Variants in ALG9 observed in about 807,000 individuals in gnomAD.
The protein encoded by ALG9 is ALG9 alpha-1,2-mannosyltransferase.
Under a neutral mutation model 81.8 loss-of-function variants are expected in ALG9, and 55 were observed. The ratio of observed to expected loss-of-function variants is 0.67; its 90% CI spans 0.54 to 0.84. ALG9 has a LOEUF of 0.84. Among genes scored for constraint, ALG9 ranks in the 40% least tolerant of loss-of-function variants. The pLI is 0.00. For missense variants in ALG9, 629 were observed against 745.0 expected, an observed-to-expected ratio of 0.84 and a Z score of 1.81; for synonymous variants, 278 against 274.3, an observed-to-expected ratio of 1.01 and a Z score of -0.13.
intron 8 of ALG9, 130 bp from the exon 9 acceptor site, chr11:111,844,853 C>G: frequency 1.1e-6 from 1 of 943,924 alleles, no homozygotes; most frequent in Non-Finnish European, 1.7e-6. Context: ...GAGTGCACAG[C>G]CCACTCTTCC....
chr11:111,854,046 C>A (rs1555141449), intron 6 of ALG9, among the ~76,000 whole-genome samples: 1 of 151,852 alleles, frequency 6.6e-6, no homozygotes, highest in Non-Finnish European at 1.5e-5. Flanking sequence ...AAGTACTAAC[C>A]TCACCCTTCC....
intron 14 of ALG9, among the ~76,000 whole-genome samples, chr11:111,799,788 T>C (rs1948838327): frequency 6.6e-6 from 1 of 152,192 alleles, no homozygotes; most frequent in African/African-American, 2.4e-5. Context: ...ACATTATAGA[T>C]TACCTTACAT....
chr11:111,790,005 G>T (rs1433424235), intron 14 of ALG9, among the ~76,000 whole-genome samples: 1 of 151,782 alleles, frequency 6.6e-6, no homozygotes, highest in Non-Finnish European at 1.5e-5. Context: ...ATCACTAGGT[G>T]TGAATAAAAG....
intron 13 of ALG9, among the ~76,000 whole-genome samples, chr11:111,831,656 TAGGGCTA>T (rs1954398960): frequency 6.6e-6 from 1 of 152,206 alleles, no homozygotes; most frequent in Non-Finnish European, 1.5e-5. Context: ...CCTTTTATCC[TAGGGCTA>T]ATCTTTATCA....
intron 6 of ALG9, among the ~76,000 whole-genome samples, chr11:111,855,855 T>C (rs1026975195): frequency 1.3e-5 from 2 of 152,040 alleles, no homozygotes; most frequent in African/African-American, 4.8e-5. Flanking sequence ...AAGAAAGGAA[T>C]GGAGATGAGG....
intron 13 of ALG9, among the ~76,000 whole-genome samples, chr11:111,810,536 G>A (rs375851942): frequency 7.9e-5 from 12 of 152,120 alleles, no homozygotes; most frequent in African/African-American, 2.2e-4. Context: ...TGTACAGATC[G>A]TTTGAACCCA....
intron 14 of ALG9, among the ~76,000 whole-genome samples, chr11:111,800,495 A>C (rs1038267902): frequency 2.0e-5 from 3 of 151,908 alleles, no homozygotes; most frequent in South Asian, 4.2e-4. Flanking sequence ...AATAAAAAAT[A>C]AAATAAAATA....
At chr11:111,844,569 CCAAAA>C (rs782388906) in intron 9 of ALG9, 27 bp downstream of exon 9, 23 of 1,613,314 alleles carry the variant, frequency 1.4e-5, no homozygotes, top group African/African-American at 2.7e-5. Flanking sequence ...CTCTTTCCTC[CCAAAA>C]CACCTACCAT....
At chr11:111,835,003 A>G (rs1555116204) in intron 13 of ALG9, among the ~76,000 whole-genome samples, 1 of 152,214 alleles carries the variant, frequency 6.6e-6, no homozygotes, top group Admixed American at 6.5e-5. Flanking sequence ...CTCATACAAT[A>G]AGAATCTCAC....
chr11:111,784,047 T>C lies in ALG9; in HGVS notation c.*2350A>G, dbSNP rs995771903. 4.6e-5 allele frequency: 7 copies of C among 152,252 alleles called. No homozygotes were observed. Among genetic ancestry groups the C allele is most frequent in the South Asian group, 2.1e-4 (1 of 4,826 alleles). 9.4% of individuals were successfully genotyped at this position (152,252 alleles called of 1,614,324 possible). A position where few individuals can be genotyped will look rare whatever the true frequency, so the allele number is the denominator to read the frequency against. The stretch of plus-strand genomic sequence containing the variant: ...GATTCTTATTTACCTCTGGGAAACA[T>C]AGAGGGCCTTAGCTACTGTGAAGAA... On this transcript the variant is annotated 3_prime_UTR_variant, in exon 15 of 15. Coordinates refer to ENST00000616540, the MANE Select transcript of ALG9 (RefSeq NM_024740.2).
intron 3 of ALG9, 109 bp downstream of exon 3, chr11:111,868,493 A>C: frequency 7.3e-7 from 1 of 1,374,774 alleles, no homozygotes; most frequent in Admixed American, 2.3e-5. Context: ...ATTCTTCTTC[A>C]AAAAAAGTTC....
At chr11:111,825,272 T>C (rs999759638) in intron 13 of ALG9, among the ~76,000 whole-genome samples, 21 of 152,240 alleles carry the variant, frequency 1.4e-4, no homozygotes, top group African/African-American at 5.1e-4. Context: ...CTGCTGTGTA[T>C]AATCCCTATG....
intron 13 of ALG9, among the ~76,000 whole-genome samples, chr11:111,822,155 C>T (rs1324170627): frequency 6.6e-6 from 1 of 152,072 alleles, no homozygotes; most frequent in Non-Finnish European, 1.5e-5. Flanking sequence ...ACCTGTAAAC[C>T]TAGCACTTTG....
rs956121526 is a variant in ALG9 at position 111,783,758 on chromosome 11, T to C, written c.*2639A>G. 6.6e-6 allele frequency: 1 copy of C among 152,142 alleles called. No individual in the cohort carries two copies. The highest frequency in any genetic ancestry group is 1.5e-5 in the Non-Finnish European group (1 of 68,014). 9.4% of individuals were successfully genotyped at this position (152,142 alleles called of 1,614,324 possible). A position where few individuals can be genotyped will look rare whatever the true frequency, so the allele number is the denominator to read the frequency against. ...ATTTCTATATTCCTTACCTATAACA[T>C]TTGGCACAGCGTTCTGCCATGTATT... is the stretch of plus-strand genomic sequence containing the variant. On this transcript the variant is annotated 3_prime_UTR_variant, in exon 15 of 15. Coordinates refer to ENST00000616540, the MANE Select transcript of ALG9 (RefSeq NM_024740.2).
chr11:111,837,632 T>C lies in ALG9; in HGVS notation c.1325-17A>G. 6.2e-7 allele frequency: 1 copy of C among 1,613,512 alleles called. No homozygotes were observed. The highest frequency in any genetic ancestry group is 2.2e-5 in the East Asian group (1 of 44,878). ...CGTGATATCCTGGAAGGGAGAACAGTTAGTGAGAGCCAGAGATGAGTAAGA... is the reference window on the plus strand; with the variant it reads ...CGTGATATCCTGGAAGGGAGAACAGCTAGTGAGAGCCAGAGATGAGTAAGA... On this transcript the variant is annotated splice_polypyrimidine_tract_variant and intron_variant, in intron 11 of 14. Transcript: ENST00000616540.
intron 14 of ALG9, among the ~76,000 whole-genome samples, chr11:111,794,856 C>G (rs577678079): frequency 1.3e-5 from 2 of 152,336 alleles, no homozygotes; most frequent in Non-Finnish European, 2.9e-5. Flanking sequence ...GCTTTTGCAG[C>G]TATCTTCAGT....
At chr11:111,860,850 T>C (rs1555147283) in intron 4 of ALG9, among the ~76,000 whole-genome samples, 1 of 152,212 alleles carries the variant, frequency 6.6e-6, no homozygotes, top group Non-Finnish European at 1.5e-5. Context: ...GAAAATGTAT[T>C]CTTTACATGC....
intron 3 of ALG9, among the ~76,000 whole-genome samples, chr11:111,866,264 T>C (rs1219960263): frequency 6.6e-6 from 1 of 152,144 alleles, no homozygotes; most frequent in Non-Finnish European, 1.5e-5. Context: ...GCCACTGCAC[T>C]CCAGCCTGGC....
intron 14 of ALG9, chr11:111,805,093 C>A (rs1034388428): frequency 2.5e-5 from 9 of 353,232 alleles, no homozygotes; most frequent in Non-Finnish European, 3.9e-5. Context: ...TAAACACTCA[C>A]CTATGTGATG....
Sources: gnomAD v4.1 joint callset for allele counts (sites outside exome capture counted in the v4.1 genomes callset) on GRCh38, gnomAD v4.1.1 for gene constraint, MANE v1.5 for transcripts, NCBI Gene and HGNC (gene_info 2026-07-23, HGNC 2026-07-21) for gene names.